LRRC4C: variants seen among roughly 807,000 people sequenced by gnomAD.
The protein encoded by LRRC4C is leucine rich repeat containing 4C.
LRRC4C carries 5 observed loss-of-function variants against 33.6 expected under a neutral mutation model. That is an observed-to-expected ratio of 0.15 (90% CI 0.08 to 0.31). The LOEUF is 0.31. Among genes scored for constraint, LRRC4C ranks in the 10% least tolerant of loss-of-function variants. The pLI is 1.00. For synonymous variants in LRRC4C, 329 were observed against 302.0 expected, an observed-to-expected ratio of 1.09 and a Z score of -0.93; for missense variants, 560 against 796.7, an observed-to-expected ratio of 0.70 and a Z score of 3.58.
chr11:40,370,583 C>T (rs1475598622), intron 3 of LRRC4C, among the ~76,000 whole-genome samples: 3 of 152,096 alleles, frequency 2.0e-5, no homozygotes, highest in African/African-American at 4.8e-5. Flanking sequence ...CCTATCAAGA[C>T]CCAGGGTCAC....
chr11:40,522,237 C>A (rs758817940), intron 3 of LRRC4C, among the ~76,000 whole-genome samples: 5 of 152,306 alleles, frequency 3.3e-5, no homozygotes, highest in Non-Finnish European at 7.3e-5. Context: ...GCCATGTTGG[C>A]CAGCCTGGTC....
chr11:40,450,125 G>A (rs1398967484), intron 3 of LRRC4C, among the ~76,000 whole-genome samples: 1 of 152,014 alleles, frequency 6.6e-6, no homozygotes, highest in East Asian at 1.9e-4. Context: ...ATATGGGCAG[G>A]TATAGGGCAA....
At chr11:40,702,012 AT>A (rs1945882860) in intron 2 of LRRC4C, among the ~76,000 whole-genome samples, 1 of 151,514 alleles carries the variant, frequency 6.6e-6, no homozygotes, top group South Asian at 2.1e-4. Context: ...ACACCCAAAT[AT>A]TTTAAAAAAA....
At chr11:40,267,129 T>C (rs1445806377) in intron 4 of LRRC4C, among the ~76,000 whole-genome samples, 2 of 152,146 alleles carry the variant, frequency 1.3e-5, no homozygotes, top group Non-Finnish European at 2.9e-5. Flanking sequence ...ATCACTAGTT[T>C]TGTGTCCTCA....
At chr11:40,847,900 G>A (rs1461695508) in intron 2 of LRRC4C, among the ~76,000 whole-genome samples, 2 of 150,608 alleles carry the variant, frequency 1.3e-5, no homozygotes, top group East Asian at 4.0e-4. Flanking sequence ...GGGTGTATGT[G>A]TCCAGGAATT....
chr11:40,186,800 C>A (rs532098347), intron 5 of LRRC4C, among the ~76,000 whole-genome samples: 1 of 152,292 alleles, frequency 6.6e-6, no homozygotes, highest in African/African-American at 2.4e-5. Flanking sequence ...CTGCAGTTAC[C>A]GGCTCAATAA....
At chr11:40,164,889 C>T (rs919371094) in intron 5 of LRRC4C, among the ~76,000 whole-genome samples, 6 of 152,190 alleles carry the variant, frequency 3.9e-5, no homozygotes, top group African/African-American at 1.4e-4. Context: ...TATTATGTAT[C>T]AATAGAGTTT....
At chr11:41,425,998 T>C (rs372961705) in intron 1 of LRRC4C, among the ~76,000 whole-genome samples, 1 of 152,186 alleles carries the variant, frequency 6.6e-6, no homozygotes, top group African/African-American at 2.4e-5. Flanking sequence ...AAAAACACTC[T>C]TCTAAAACTG....
intron 1 of LRRC4C, among the ~76,000 whole-genome samples, chr11:41,155,663 C>G (rs756339359): frequency 1.3e-5 from 2 of 152,058 alleles, no homozygotes; most frequent in Non-Finnish European, 2.9e-5. Context: ...TCCCCTTTCC[C>G]TACTCTCCTA....
intron 1 of LRRC4C, among the ~76,000 whole-genome samples, chr11:41,355,024 AG>A (rs1259427461): frequency 2.6e-5 from 4 of 152,162 alleles, no homozygotes. Context: ...TCTTCAGCTC[AG>A]CAAAAGAAAC....
At chr11:41,354,907 C>T (rs1229441791) in intron 1 of LRRC4C, among the ~76,000 whole-genome samples, 1 of 151,960 alleles carries the variant, frequency 6.6e-6, no homozygotes, top group Non-Finnish European at 1.5e-5. Flanking sequence ...AAAAGAAAAC[C>T]TAGGAAATAC....
At chr11:41,409,957 T>C (rs2138201423) in intron 1 of LRRC4C, among the ~76,000 whole-genome samples, 1 of 152,350 alleles carries the variant, frequency 6.6e-6, no homozygotes, top group East Asian at 1.9e-4. Context: ...GAGAGAAATA[T>C]GTGCATTTGT....
At chr11:40,449,649 GC>G (rs1951799571) in intron 3 of LRRC4C, among the ~76,000 whole-genome samples, 1 of 152,084 alleles carries the variant, frequency 6.6e-6, no homozygotes, top group Non-Finnish European at 1.5e-5. Flanking sequence ...TTATGTCCCT[GC>G]TTCCATGAAC....
chr11:41,421,061 T>G (rs1433162178), intron 1 of LRRC4C, among the ~76,000 whole-genome samples: 2 of 152,004 alleles, frequency 1.3e-5, no homozygotes, highest in Non-Finnish European at 2.9e-5. Context: ...TTTCTTTACC[T>G]CTCTGTGCCT....
Position 40,115,327 on chromosome 11 carries a change from C to T in LRRC4C, c.966G>A (p.Ser322=), listed in dbSNP as rs761334968. The change falls in exon 7 of 7, where the codon TCG becomes TCA. Residue 322 remains serine, a synonymous_variant. Transcript: ENST00000528697. This position sits in a 1 kb window ranked among gnomAD's most constrained non-coding sequence, Gnocchi z 6.7. ...LSWWIKDMAP[S]NTACCARCNT... Reference sequence around the variant, plus strand: ...TACACCGGGCACAACAAGCTGTGTTCGAGGGGGCCATGTCTTTTATCCACC... The same window carrying T: ...TACACCGGGCACAACAAGCTGTGTTTGAGGGGGCCATGTCTTTTATCCACC... The T allele has an allele frequency of 5.6e-6, 9 of 1,614,048 alleles. No individual in the cohort carries two copies. The East Asian group carries it at 6.7e-5, about 12-fold the overall frequency.
intron 1 of LRRC4C, among the ~76,000 whole-genome samples, chr11:41,022,837 A>C (rs1856078208): frequency 6.6e-6 from 1 of 152,000 alleles, no homozygotes; most frequent in African/African-American, 2.4e-5. Context: ...TAGAAGCTAT[A>C]AATGCCTCAA....
intron 3 of LRRC4C, among the ~76,000 whole-genome samples, chr11:40,536,352 C>T (rs952105114): frequency 6.6e-6 from 1 of 152,130 alleles, no homozygotes; most frequent in African/African-American, 2.4e-5. Context: ...CACCACCATG[C>T]CTAGCTAATT....
chr11:40,321,350 T>C (rs1945839529), intron 3 of LRRC4C, among the ~76,000 whole-genome samples: 2 of 152,352 alleles, frequency 1.3e-5, no homozygotes, highest in African/African-American at 4.8e-5. Flanking sequence ...AACTGGCATA[T>C]CAGATTTGTT....
At chr11:41,030,303 A>G (rs1590291844) in intron 1 of LRRC4C, among the ~76,000 whole-genome samples, 2 of 151,996 alleles carry the variant, frequency 1.3e-5, no homozygotes, top group East Asian at 3.9e-4. Context: ...GAACGGAGTC[A>G]AAATATTAAA....
Sources: gnomAD v4.1 joint callset for allele counts (sites outside exome capture counted in the v4.1 genomes callset) on GRCh38, gnomAD v4.1.1 for gene constraint, Gnocchi (gnomAD v3.1) non-coding constraint, MANE v1.5 for transcripts, NCBI Gene and HGNC (gene_info 2026-07-23, HGNC 2026-07-21) for gene names.